ARHGAP24: variants seen among roughly 807,000 people sequenced by gnomAD.
ARHGAP24 encodes the protein Rho GTPase activating protein 24.
ARHGAP24 carries 50 observed loss-of-function variants against 76.4 expected under a neutral mutation model. The observed-to-expected ratio is 0.65, with a 90% CI of 0.52 to 0.83. The LOEUF (loss-of-function observed/expected upper bound fraction) is 0.83, where lower values mean the gene tolerates loss of function less well. Ranked by LOEUF, ARHGAP24 falls within the 40% of genes least tolerant of loss-of-function variation. The pLI is 0.00. For missense variants in ARHGAP24, 930 were observed against 914.2 expected, an observed-to-expected ratio of 1.02 and a Z score of -0.22; for synonymous variants, 345 against 323.3, an observed-to-expected ratio of 1.07 and a Z score of -0.72.
intron 3 of ARHGAP24, among the ~76,000 whole-genome samples, chr4:85,885,943 G>A (rs1381829536): frequency 6.6e-6 from 1 of 152,126 alleles, no homozygotes; most frequent in East Asian, 1.9e-4. Flanking sequence ...AGAGAAATTT[G>A]AAATGCAGTG....
At chr4:85,931,772 C>G (rs1420100196) in intron 4 of ARHGAP24, among the ~76,000 whole-genome samples, 2 of 151,982 alleles carry the variant, frequency 1.3e-5, no homozygotes, top group African/African-American at 4.8e-5. Flanking sequence ...GTTTATGGAT[C>G]AAAATATTTA....
At chr4:85,717,342 C>G (rs1262088199) in intron 2 of ARHGAP24, among the ~76,000 whole-genome samples, 1 of 152,046 alleles carries the variant, frequency 6.6e-6, no homozygotes, top group African/African-American at 2.4e-5. Flanking sequence ...ATTTCTACTG[C>G]CAACACGTTT....
intron 3 of ARHGAP24, among the ~76,000 whole-genome samples, chr4:85,917,990 G>C (rs1404217875): frequency 6.6e-6 from 1 of 151,970 alleles, no homozygotes; most frequent in Non-Finnish European, 1.5e-5. Context: ...TCTGGGCTTT[G>C]AGCAACATAG....
chr4:85,706,726 C>T (rs780605634), intron 2 of ARHGAP24, among the ~76,000 whole-genome samples: 56 of 150,382 alleles, frequency 3.7e-4, no homozygotes, highest in Middle Eastern at 7.0e-3. Context: ...CCACCATGCC[C>T]GGCTAATTTT....
chr4:85,634,217 C>A (rs988807554), intron 2 of ARHGAP24, among the ~76,000 whole-genome samples: 1 of 151,818 alleles, frequency 6.6e-6, no homozygotes, highest in African/African-American at 2.4e-5. Flanking sequence ...AAAAGTTTTG[C>A]TTCCAGAATT....
rs1270020956 is a variant in ARHGAP24 at position 85,493,841 on chromosome 4, ATAAAG to A, written c.-21+18285_-21+18289del. ...TTATTTGCTTAAATCTTCCATACAC[ATAAAG>A]TACTTTCAGAATTGTTCATCCATAC... On this transcript the variant is annotated intron_variant, in intron 1 of 9. Coordinates refer to ENST00000395184, the MANE Select transcript of ARHGAP24 (RefSeq NM_001025616.3). Among the ~76,000 whole-genome samples, 4 of 152,366 alleles carry A rather than the reference ATAAAG, an allele frequency of 2.6e-5. No individual in the cohort carries two copies. In the East Asian group the frequency reaches 7.7e-4, roughly 29 times the overall value.
At position 85,504,019 on chromosome 4, in the gene ARHGAP24, G is replaced by T. The variant is rs183967739; in HGVS notation, c.-21+28460G>T. ...CAGGTTGTTCAGTTTCCATGTAGTTGTGTGGTTTTGAGTGAGTTTCTTAAT... is the reference window on the plus strand; with the variant it reads ...CAGGTTGTTCAGTTTCCATGTAGTTTTGTGGTTTTGAGTGAGTTTCTTAAT... On this transcript the variant is annotated intron_variant, in intron 1 of 9. Coordinates refer to ENST00000395184, the MANE Select transcript of ARHGAP24 (RefSeq NM_001025616.3). Among the ~76,000 whole-genome samples the T allele has an allele frequency of 5.2e-3, 786 of 152,304 alleles. 12 individuals are homozygous for T. The highest frequency in any genetic ancestry group is 0.018 in the African/African-American group (754 of 41,552).
intron 3 of ARHGAP24, among the ~76,000 whole-genome samples, chr4:85,852,400 C>G (rs1342655774): frequency 6.6e-6 from 1 of 152,144 alleles, no homozygotes; most frequent in Admixed American, 6.5e-5. Flanking sequence ...GAATATCCTC[C>G]TTTAGCTCAG....
intron 9 of ARHGAP24, 195 bp from the exon 10 acceptor site, chr4:86,000,284 A>G (rs1201076027): frequency 4.1e-6 from 2 of 483,716 alleles, no homozygotes; most frequent in Non-Finnish European, 7.5e-6. Context: ...GTGACAGTAA[A>G]TCATCTTAGC....
At chr4:85,818,919 A>G (rs1729356788) in intron 3 of ARHGAP24, among the ~76,000 whole-genome samples, 1 of 152,034 alleles carries the variant, frequency 6.6e-6, no homozygotes, top group Non-Finnish European at 1.5e-5. Flanking sequence ...TTCTCTCCCA[A>G]GATGTCACAG....
intron 3 of ARHGAP24, among the ~76,000 whole-genome samples, chr4:85,817,282 A>G (rs1729281547): frequency 1.3e-5 from 2 of 152,118 alleles, no homozygotes; most frequent in Admixed American, 1.3e-4. Flanking sequence ...CCATTTATCT[A>G]TTTTGCTTTT....
At chr4:85,899,456 T>C (rs1734375013) in intron 3 of ARHGAP24, among the ~76,000 whole-genome samples, 1 of 152,206 alleles carries the variant, frequency 6.6e-6, no homozygotes, top group South Asian at 2.1e-4. Context: ...TACTTTTATA[T>C]GAATATTTTT....
intron 3 of ARHGAP24, among the ~76,000 whole-genome samples, chr4:85,799,670 G>A (rs996870563): frequency 6.6e-6 from 1 of 152,114 alleles, no homozygotes; most frequent in Non-Finnish European, 1.5e-5. Flanking sequence ...AATTTGCATA[G>A]ACTCCAAGTA....
chr4:85,768,253 T>TA (rs1011492096), intron 3 of ARHGAP24, among the ~76,000 whole-genome samples: 4 of 152,104 alleles, frequency 2.6e-5, no homozygotes, highest in Admixed American at 6.5e-5. Flanking sequence ...AGATTGGATT[T>TA]AAAAAAATGT....
intron 3 of ARHGAP24, among the ~76,000 whole-genome samples, chr4:85,877,555 T>C (rs2148764807): frequency 4.0e-5 from 1 of 25,118 alleles, no homozygotes; most frequent in Admixed American, 5.2e-4. Context: ...AGCCCAGGCG[T>C]TCAAGGTTGC....
intron 8 of ARHGAP24, among the ~76,000 whole-genome samples, chr4:85,986,124 T>C (rs536872141): frequency 1.3e-5 from 2 of 152,184 alleles, no homozygotes; most frequent in Non-Finnish European, 2.9e-5. Context: ...AATACTGTCT[T>C]TTAAAATTAT....
chr4:85,661,500 T>G (rs1332252004), intron 2 of ARHGAP24, among the ~76,000 whole-genome samples: 1 of 152,168 alleles, frequency 6.6e-6, no homozygotes, highest in Non-Finnish European at 1.5e-5. Context: ...AGTTAACAAA[T>G]GTATAGCTTC....
At chr4:85,844,882 GT>G (rs1730792158) in intron 3 of ARHGAP24, among the ~76,000 whole-genome samples, 1 of 152,208 alleles carries the variant, frequency 6.6e-6, no homozygotes, top group Non-Finnish European at 1.5e-5. Context: ...AGATGTAGGT[GT>G]ATAGGGGATG....
At chr4:85,509,799 A>G (rs976965558) in intron 1 of ARHGAP24, among the ~76,000 whole-genome samples, 17 of 152,152 alleles carry the variant, frequency 1.1e-4, no homozygotes, top group African/African-American at 3.6e-4. Flanking sequence ...ATGTTTAATT[A>G]TGTTCACATT....
Sources: allele counts gnomAD v4.1 joint callset (sites outside exome capture counted in the v4.1 genomes callset), GRCh38; gene constraint gnomAD v4.1.1; transcripts MANE v1.5; gene names NCBI Gene and HGNC (gene_info 2026-07-23, HGNC 2026-07-21).